Variants in DCDC2 observed in about 807,000 individuals in gnomAD.
DCDC2 encodes doublecortin domain containing 2, also known as doublecortin domain-containing protein 2.
In DCDC2, 40 loss-of-function variants were observed where a neutral mutation model predicts 50.2. The observed-to-expected ratio is 0.80, with a 90% confidence interval of 0.62 to 1.04. DCDC2 has a LOEUF of 1.04. Ranked by LOEUF, DCDC2 falls within the 50% of genes least tolerant of loss-of-function variation. DCDC2 has a pLI of 0.00. For missense variants in DCDC2, 570 were observed against 581.9 expected (o/e 0.98, Z 0.21); for synonymous variants, 234 against 210.6 (o/e 1.11, Z -0.96).
chr6:24,328,985 C>T (rs1029681266), intron 2 of DCDC2, among the ~76,000 whole-genome samples: 3 of 152,134 alleles, frequency 2.0e-5, no homozygotes, highest in Admixed American at 6.5e-5. Flanking sequence ...CCAGTCTCCA[C>T]AGAGGAAATT....
chr6:24,316,507 A>G (rs1759668918), intron 2 of DCDC2, among the ~76,000 whole-genome samples: 1 of 152,198 alleles, frequency 6.6e-6, no homozygotes, highest in African/African-American at 2.4e-5. Flanking sequence ...ATGCCTAAAT[A>G]CTGCCAAATT....
intron 7 of DCDC2, among the ~76,000 whole-genome samples, chr6:24,219,296 T>G (rs1449968595): frequency 6.6e-6 from 1 of 152,220 alleles, no homozygotes; most frequent in African/African-American, 2.4e-5. Context: ...TAGAGGATAT[T>G]TATTGTATAA....
chr6:24,191,378 T>C (rs1470389663), intron 8 of DCDC2, among the ~76,000 whole-genome samples: 1 of 152,204 alleles, frequency 6.6e-6, no homozygotes, highest in African/African-American at 2.4e-5. Context: ...TTTAAACCTA[T>C]TTCTGGTTAC....
intron 7 of DCDC2, among the ~76,000 whole-genome samples, chr6:24,230,513 G>A (rs901713888): frequency 2.6e-5 from 4 of 152,106 alleles, no homozygotes; most frequent in Non-Finnish European, 4.4e-5. Context: ...GTGTGGTGGC[G>A]CACACCTCTG....
intron 7 of DCDC2, among the ~76,000 whole-genome samples, chr6:24,224,425 G>A (rs1271374961): frequency 2.0e-5 from 3 of 152,180 alleles, no homozygotes; most frequent in Non-Finnish European, 2.9e-5. Context: ...GTGCACAGAG[G>A]ACAGAGCTGT....
intron 7 of DCDC2, among the ~76,000 whole-genome samples, chr6:24,242,736 C>T (rs1203598957): frequency 6.6e-6 from 1 of 152,052 alleles, no homozygotes; most frequent in East Asian, 1.9e-4. Context: ...CCAAGACGGG[C>T]GGATCACTTC....
chr6:24,343,505 T>C (rs913767087), intron 2 of DCDC2, among the ~76,000 whole-genome samples: 2 of 152,278 alleles, frequency 1.3e-5, no homozygotes, highest in South Asian at 4.1e-4. Flanking sequence ...TCAAGACGAG[T>C]TCCTCTGATT....
intron 8 of DCDC2, among the ~76,000 whole-genome samples, chr6:24,198,375 C>T (rs1834140936): frequency 6.6e-6 from 1 of 152,150 alleles, no homozygotes; most frequent in Non-Finnish European, 1.5e-5. Flanking sequence ...GGGTGGGGGG[C>T]ACTGCCTCAC....
intron 5 of DCDC2, among the ~76,000 whole-genome samples, chr6:24,290,194 C>T (rs548290690): frequency 2.0e-5 from 3 of 150,928 alleles, no homozygotes; most frequent in South Asian, 4.2e-4. Flanking sequence ...GGGGTTTCAC[C>T]GTTTTAGCCG....
At chr6:24,371,209 G>A in the DCDC2 span, among the ~76,000 whole-genome samples, 12 of 151,224 alleles carry the variant, frequency 7.9e-5, no homozygotes, top group African/African-American at 2.4e-4. Context: ...CCCAGGAGGC[G>A]GAGGTTGCAG....
intron 7 of DCDC2, among the ~76,000 whole-genome samples, chr6:24,216,568 A>C (rs1176945818): frequency 2.0e-5 from 3 of 152,238 alleles, no homozygotes; most frequent in Non-Finnish European, 4.4e-5. Context: ...TGTGAAGTAA[A>C]GAGAGACCAT....
At chr6:24,369,392 T>G in the DCDC2 span, among the ~76,000 whole-genome samples, 10 of 152,038 alleles carry the variant, frequency 6.6e-5, no homozygotes, top group African/African-American at 4.8e-5. Context: ...GCAGATCACC[T>G]GAGGTCAGGA....
chr6:24,285,799 CAA>C (rs766349113), intron 6 of DCDC2, among the ~76,000 whole-genome samples: 10 of 152,118 alleles, frequency 6.6e-5, no homozygotes, highest in South Asian at 2.1e-4. Flanking sequence ...ACTGTGAATA[CAA>C]AGAGTTGGGT....
At chr6:24,209,161 G>A (rs1189718218) in intron 7 of DCDC2, among the ~76,000 whole-genome samples, 1 of 152,126 alleles carries the variant, frequency 6.6e-6, no homozygotes, top group East Asian at 1.9e-4. Context: ...CAAAGTCAAA[G>A]ATAAAACATT....
chr6:24,215,904 A>G (rs936836587), intron 7 of DCDC2, among the ~76,000 whole-genome samples: 1 of 152,214 alleles, frequency 6.6e-6, no homozygotes, highest in Admixed American at 6.5e-5. Flanking sequence ...CGTGACTGCC[A>G]GGATGTGAGA....
At chr6:24,306,641 G>A (rs1184311788) in intron 2 of DCDC2, among the ~76,000 whole-genome samples, 1 of 152,114 alleles carries the variant, frequency 6.6e-6, no homozygotes, top group Non-Finnish European at 1.5e-5. Flanking sequence ...TTCTTACCCT[G>A]CTGGAATGGG....
At chr6:24,213,985 A>G (rs1171853012) in intron 7 of DCDC2, among the ~76,000 whole-genome samples, 2 of 152,166 alleles carry the variant, frequency 1.3e-5, no homozygotes, top group Admixed American at 6.5e-5. Context: ...TTTAATCACT[A>G]ATCTTCTCCA....
At chr6:24,247,121 A>T (rs1762694431) in intron 7 of DCDC2, among the ~76,000 whole-genome samples, 1 of 152,114 alleles carries the variant, frequency 6.6e-6, no homozygotes, top group Non-Finnish European at 1.5e-5. Flanking sequence ...CCACATGAAA[A>T]TATCTCCAGC....
intron 8 of DCDC2, 23 bp from the exon 9 acceptor site, chr6:24,178,655 G>A: frequency 3.8e-6 from 6 of 1,596,540 alleles, no homozygotes; most frequent in Non-Finnish European, 5.1e-6. Context: ...AAGGAATAAT[G>A]GATAAAAGTA....
Sources: gnomAD v4.1 joint callset for allele counts (sites outside exome capture counted in the v4.1 genomes callset) on GRCh38, gnomAD v4.1.1 for gene constraint, MANE v1.5 for transcripts, NCBI Gene and HGNC (gene_info 2026-07-23, HGNC 2026-07-21) for gene names.